The following SDAD1 variants were observed in gnomAD, a reference collection of about 807,000 sequenced individuals.
SDAD1 encodes the protein SDA1 domain containing 1.
In SDAD1, 79 loss-of-function variants were observed where a neutral mutation model predicts 100.3. The ratio of observed to expected loss-of-function variants is 0.79; its 90% CI spans 0.66 to 0.95. The LOEUF is 0.95. Ranked by LOEUF, SDAD1 falls within the 40% of genes least tolerant of loss-of-function variation. SDAD1 has a pLI of 0.00. For synonymous variants in SDAD1, 267 were observed against 271.4 expected (o/e 0.98, Z 0.16); for missense variants, 790 against 810.9 (o/e 0.97, Z 0.31).
intron 3 of SDAD1, among the ~76,000 whole-genome samples, chr4:75,978,771 T>G (rs2149326348): frequency 6.7e-6 from 1 of 148,244 alleles, no homozygotes; most frequent in East Asian, 2.0e-4. Context: ...AGGCCAGGAG[T>G]TCAAGACCAG....
chr4:75,984,319 A>G (rs7436021), intron 1 of SDAD1, among the ~76,000 whole-genome samples: 101,691 of 151,816 alleles, frequency 0.67, 34,892 homozygotes, highest in East Asian at 0.93. Context: ...TCACCACCAT[A>G]CCCAGCTGAT....
At chr4:75,974,514 C>T (rs1447018870) in intron 6 of SDAD1, among the ~76,000 whole-genome samples, 1 of 151,338 alleles carries the variant, frequency 6.6e-6, no homozygotes, top group Non-Finnish European at 1.5e-5. Context: ...CCAAGAGTTC[C>T]GGTCCAGCCT....
intron 11 of SDAD1, among the ~76,000 whole-genome samples, chr4:75,968,231 C>T (rs1479180264): frequency 6.6e-6 from 1 of 152,126 alleles, no homozygotes; most frequent in Non-Finnish European, 1.5e-5. Context: ...AAGAATTGAT[C>T]CTACACTGGG....
At chr4:75,952,442 A>G (rs1319285470) in intron 21 of SDAD1, among the ~76,000 whole-genome samples, 2 of 152,162 alleles carry the variant, frequency 1.3e-5, no homozygotes, top group South Asian at 2.1e-4. Flanking sequence ...TTCTTCTTTT[A>G]TCTTTCTACA....
chr4:75,973,032 T>A (rs557640493), intron 8 of SDAD1, among the ~76,000 whole-genome samples: 1 of 151,482 alleles, frequency 6.6e-6, no homozygotes, highest in Non-Finnish European at 1.5e-5. Flanking sequence ...AAAAAAAAAA[T>A]GTTGGTGACA....
intron 21 of SDAD1, among the ~76,000 whole-genome samples, chr4:75,954,683 A>C (rs1465018612): frequency 6.6e-6 from 1 of 152,206 alleles, no homozygotes; most frequent in Non-Finnish European, 1.5e-5. Flanking sequence ...GATTGTGTAA[A>C]AACAATGCCA....
At chr4:75,979,003 A>AAAAAAAAAAAAC (rs1730330786) in intron 3 of SDAD1, among the ~76,000 whole-genome samples, 1 of 149,096 alleles carries the variant, frequency 6.7e-6, no homozygotes. Context: ...AAAAAAAAAA[A>AAAAAAAAAAAAC]AAAAAAAATT....
chr4:75,978,157 G>T (rs1483870072), intron 3 of SDAD1, among the ~76,000 whole-genome samples: 1 of 151,484 alleles, frequency 6.6e-6, no homozygotes, highest in Non-Finnish European at 1.5e-5. Flanking sequence ...GAGAGTTTAT[G>T]ACCTTACGAG....
intron 6 of SDAD1, 105 bp from the exon 7 acceptor site, chr4:75,974,238 C>G: frequency 1.1e-6 from 1 of 882,898 alleles, no homozygotes; most frequent in Non-Finnish European, 1.9e-6. Context: ...TTGTGACGTA[C>G]TAGAATTCCC....
intron 7 of SDAD1, 133 bp from the exon 8 acceptor site, chr4:75,973,524 T>C (rs1285798705): frequency 2.2e-5 from 14 of 636,242 alleles, no homozygotes; most frequent in Non-Finnish European, 3.8e-5. Context: ...GGGATTTTTG[T>C]TCATTTTTTC....
intron 18 of SDAD1, 45 bp downstream of exon 18, chr4:75,957,801 AC>A: frequency 6.2e-7 from 1 of 1,609,952 alleles, no homozygotes; most frequent in Non-Finnish European, 8.5e-7. Context: ...AGAATAAATT[AC>A]GTCTTAATAA....
rs1729213636 is a variant in SDAD1, at chr4:75,961,252, A to G, written c.1238T>C (p.Leu413Pro). 1.2e-6 allele frequency: 2 copies of G among 1,614,078 alleles called. No individual in the cohort carries two copies. The highest frequency in any genetic ancestry group is 1.7e-6 in the Non-Finnish European group (2 of 1,179,958). Residue 413 changes from leucine to proline, a missense_variant, in exon 15 of 22, where the codon CTT becomes CCT. Transcript: ENST00000356260. ...TTTATACTGAGCCAGGTCTTGGAGA[A>G]GTTCTTCAGTCATGGCCAGAGGACA... ...ARCPLAMTEE[L>P]LQDLAQYKTH...
chr4:75,979,706 C>T (rs1298989440), intron 3 of SDAD1, among the ~76,000 whole-genome samples: 4 of 152,036 alleles, frequency 2.6e-5, no homozygotes, highest in African/African-American at 7.2e-5. Flanking sequence ...CCTCCTGCCT[C>T]GGCCTCCCAA....
At chr4:75,979,210 T>G (rs1162537533) in intron 3 of SDAD1, among the ~76,000 whole-genome samples, 3 of 151,976 alleles carry the variant, frequency 2.0e-5, no homozygotes. Flanking sequence ...ATGGATATTT[T>G]ATTTCTTCCA....
chr4:75,969,230 C>T, intron 11 of SDAD1, 66 bp downstream of exon 11: 1 of 1,311,648 alleles, frequency 7.6e-7, no homozygotes, highest in Non-Finnish European at 1.1e-6. Flanking sequence ...TACCTAATGG[C>T]TTTTCTTTTA....
At chr4:75,968,007 T>C (rs1232177134) in intron 11 of SDAD1, among the ~76,000 whole-genome samples, 2 of 152,210 alleles carry the variant, frequency 1.3e-5, no homozygotes, top group Non-Finnish European at 2.9e-5. Flanking sequence ...GGGAATAAAC[T>C]AATTTTTTCT....
At chr4:75,983,579 A>G (rs528836264) in intron 1 of SDAD1, among the ~76,000 whole-genome samples, 2 of 151,932 alleles carry the variant, frequency 1.3e-5, no homozygotes, top group Non-Finnish European at 2.9e-5. Context: ...TGTTGGCCGC[A>G]TAAATGTCTT....
chr4:75,951,143 A>G (rs529280697), intron 21 of SDAD1, among the ~76,000 whole-genome samples: 2 of 152,266 alleles, frequency 1.3e-5, no homozygotes, highest in East Asian at 1.9e-4. Flanking sequence ...GGAGTTGTGG[A>G]TGGAATACAT....
chr4:75,959,331 C>T (rs139863388), intron 17 of SDAD1, among the ~76,000 whole-genome samples: 1 of 152,106 alleles, frequency 6.6e-6, no homozygotes, highest in African/African-American at 2.4e-5. Flanking sequence ...AGGCTGGGTG[C>T]ACTGGCTCAC....
Sources: gnomAD v4.1 joint callset for allele counts (sites outside exome capture counted in the v4.1 genomes callset) on GRCh38, gnomAD v4.1.1 for gene constraint, MANE v1.5 for transcripts, NCBI Gene and HGNC (gene_info 2026-07-23, HGNC 2026-07-21) for gene names.